RHBDD1: variants seen among roughly 807,000 people sequenced by gnomAD.
RHBDD1 encodes the protein rhomboid domain containing 1.
In RHBDD1, 38 loss-of-function variants were observed where a neutral mutation model predicts 36.3. The ratio of observed to expected loss-of-function variants is 1.05; its 90% CI spans 0.81 to 1.37. RHBDD1 has a LOEUF of 1.37. Among genes scored for constraint, RHBDD1 ranks in the 40% most tolerant of loss-of-function variants. RHBDD1 has a pLI of 0.00. For synonymous variants in RHBDD1, 151 were observed against 136.5 expected (o/e 1.11, Z -0.74); for missense variants, 393 against 377.6 (o/e 1.04, Z -0.34).
At chr2:226,963,078 TC>T (rs1343703932) in intron 8 of RHBDD1, among the ~76,000 whole-genome samples, 1 of 152,028 alleles carries the variant, frequency 6.6e-6, no homozygotes, top group African/African-American at 2.4e-5. Context: ...AGCGCACCTC[TC>T]CCCTAGTTCT....
chr2:226,990,743 G>A (rs1958002472), intron 8 of RHBDD1, among the ~76,000 whole-genome samples: 1 of 152,126 alleles, frequency 6.6e-6, no homozygotes, highest in South Asian at 2.1e-4. Context: ...CTTACTACTG[G>A]TGCTGTAATT....
chr2:226,847,126 G>A (rs1004705593), intron 3 of RHBDD1, among the ~76,000 whole-genome samples: 2 of 152,318 alleles, frequency 1.3e-5, no homozygotes, highest in East Asian at 1.9e-4. Context: ...TCAGCAGGGT[G>A]CAGTTTTCTG....
chr2:226,886,729 T>A (rs1041802984), intron 5 of RHBDD1, among the ~76,000 whole-genome samples: 4 of 152,138 alleles, frequency 2.6e-5, no homozygotes, highest in African/African-American at 9.7e-5. Flanking sequence ...ACTCCCTAAT[T>A]AAGGGGAATT....
At chr2:226,958,774 G>C (rs1010692780) in intron 8 of RHBDD1, among the ~76,000 whole-genome samples, 1 of 148,842 alleles carries the variant, frequency 6.7e-6, no homozygotes, top group Non-Finnish European at 1.5e-5. Context: ...TTTTAAAGAC[G>C]CCAGGTTCTT....
intron 8 of RHBDD1, among the ~76,000 whole-genome samples, chr2:226,977,726 CAA>C (rs1463377069): frequency 6.6e-6 from 1 of 152,176 alleles, no homozygotes; most frequent in Non-Finnish European, 1.5e-5. Context: ...GCAAATATGT[CAA>C]GAGTCTTCAT....
intron 3 of RHBDD1, among the ~76,000 whole-genome samples, chr2:226,852,901 T>TTTATTATTGTTATTA (rs1553543385): frequency 6.3e-4 from 79 of 125,202 alleles, no homozygotes; most frequent in African/African-American, 1.4e-3. Flanking sequence ...ACCTGGCTAA[T>TTTATTATTGTTATTA]TTATTATTAT....
In RHBDD1 at chr2:226,965,883, A is replaced by G. The variant is rs569304576; in HGVS notation, c.857-29548A>G. Among the ~76,000 whole-genome samples, 49 of 152,196 alleles carry G rather than the reference A, an allele frequency of 3.2e-4. 1 individual carries two copies. The highest frequency in any genetic ancestry group is 1.3e-3 in the Admixed American group (20 of 15,290). On this transcript the variant is annotated intron_variant, in intron 8 of 8. Coordinates refer to ENST00000392062, the MANE Select transcript of RHBDD1 (RefSeq NM_001167608.3). ...CAGCGGGCTAGACAGGAGAACCGCA[A>G]TTGCTTGAAAAAGCACGAAGTTTAT... is the stretch of plus-strand genomic sequence containing the variant.
chr2:226,953,281 C>T (rs556177896), intron 8 of RHBDD1, among the ~76,000 whole-genome samples: 2 of 152,182 alleles, frequency 1.3e-5, no homozygotes, highest in African/African-American at 2.4e-5. Flanking sequence ...CAGTTAGAGA[C>T]GATTATAACC....
At chr2:226,936,041 T>G (rs116742419) in intron 8 of RHBDD1, among the ~76,000 whole-genome samples, 2,536 of 152,222 alleles carry the variant, frequency 0.017, 64 homozygotes, top group African/African-American at 0.058. Context: ...AACTTCTTTT[T>G]TTTAAAAAGT....
intron 5 of RHBDD1, among the ~76,000 whole-genome samples, chr2:226,877,423 G>A (rs1945328320): frequency 6.6e-6 from 1 of 152,092 alleles, no homozygotes. Context: ...AGCTCACAGT[G>A]CCACATAGAA....
At chr2:226,800,817 G>C in the RHBDD1 span, among the ~76,000 whole-genome samples, 2 of 152,178 alleles carry the variant, frequency 1.3e-5, no homozygotes, top group African/African-American at 4.8e-5. Context: ...AGGATAACAG[G>C]GAGAAAACAA....
At chr2:226,929,844 C>A (rs1332622560) in intron 8 of RHBDD1, among the ~76,000 whole-genome samples, 4 of 152,014 alleles carry the variant, frequency 2.6e-5, no homozygotes, top group Non-Finnish European at 5.9e-5. Context: ...CTGCTACACA[C>A]CAACAGCCAC....
At chr2:226,838,805 CT>C (rs1253909641) in intron 2 of RHBDD1, among the ~76,000 whole-genome samples, 2 of 152,084 alleles carry the variant, frequency 1.3e-5, no homozygotes, top group African/African-American at 4.8e-5. Context: ...AAAGTTGAAA[CT>C]TTAACGTGAA....
Position 226,864,724 on chromosome 2 carries a change from G to A in RHBDD1, c.31G>A (p.Gly11Arg). 6.2e-7 allele frequency: 1 copy of A among 1,614,062 alleles called. No homozygotes were observed. The highest frequency in any genetic ancestry group is 8.5e-7 in the Non-Finnish European group (1 of 1,179,982). MQRRSRGINT[G>R]LILLLSQIFH... ...ACGGAGATCAAGAGGGATAAATACTGGACTTATTCTACTCCTTTCTCAAAT... is the reference window on the plus strand; with the variant it reads ...ACGGAGATCAAGAGGGATAAATACTAGACTTATTCTACTCCTTTCTCAAAT... Residue 11 changes from glycine to arginine, a missense_variant, in exon 4 of 9, where the codon GGA (glycine) becomes AGA (arginine). Coordinates refer to ENST00000392062, the MANE Select transcript of RHBDD1 (RefSeq NM_001167608.3).
At chr2:226,861,623 C>A (rs560342309) in intron 3 of RHBDD1, among the ~76,000 whole-genome samples, 1 of 152,286 alleles carries the variant, frequency 6.6e-6, no homozygotes, top group African/African-American at 2.4e-5. Flanking sequence ...TTTGTGATTT[C>A]TTGTAAGCTG....
At chr2:226,957,037 A>G (rs575703402) in intron 8 of RHBDD1, among the ~76,000 whole-genome samples, 65 of 152,332 alleles carry the variant, frequency 4.3e-4, no homozygotes, top group African/African-American at 1.5e-3. Flanking sequence ...AAGTTTATGG[A>G]ATTTCCCATT....
chr2:226,939,241 C>A (rs1950525163), intron 8 of RHBDD1, among the ~76,000 whole-genome samples: 1 of 152,180 alleles, frequency 6.6e-6, no homozygotes, highest in Non-Finnish European at 1.5e-5. Flanking sequence ...CCCTCTCTCA[C>A]CACTCCTATT....
At chr2:226,922,160 C>CCTGT (rs951375536) in intron 8 of RHBDD1, among the ~76,000 whole-genome samples, 6 of 150,806 alleles carry the variant, frequency 4.0e-5, no homozygotes, top group Non-Finnish European at 8.9e-5. Context: ...CATAGCTACT[C>CCTGT]CTGTTCTTTA....
At chr2:226,929,603 T>C (rs1408739987) in intron 8 of RHBDD1, among the ~76,000 whole-genome samples, 3 of 152,200 alleles carry the variant, frequency 2.0e-5, no homozygotes, top group African/African-American at 7.2e-5. Flanking sequence ...AAGATAAGGA[T>C]GCCCGCTTTC....
Sources: gnomAD v4.1 joint callset for allele counts (sites outside exome capture counted in the v4.1 genomes callset) on GRCh38, gnomAD v4.1.1 for gene constraint, MANE v1.5 for transcripts, NCBI Gene and HGNC (gene_info 2026-07-23, HGNC 2026-07-21) for gene names.